ATP10A: variants seen among roughly 807,000 people sequenced by gnomAD.
ATP10A encodes ATPase phospholipid transporting 10A (putative), also known as phospholipid-transporting ATPase VA.
A neutral mutation model predicts 147.8 loss-of-function variants in ATP10A; 111 were observed. The ratio of observed to expected loss-of-function variants is 0.75; its 90% CI spans 0.64 to 0.88. The LOEUF is 0.88. ATP10A is among the 40% of genes least tolerant of loss of function. The probability of loss-of-function intolerance (pLI) is 0.00; values close to 1 mark genes in which losing one functional copy is unlikely to be tolerated. For synonymous variants in ATP10A, 875 were observed against 841.6 expected, an observed-to-expected ratio of 1.04 and a Z score of -0.69; for missense variants, 1,927 against 1,959.0, an observed-to-expected ratio of 0.98 and a Z score of 0.31.
intron 13 of ATP10A, among the ~76,000 whole-genome samples, chr15:25,700,549 T>C (rs1415452710): frequency 6.6e-6 from 1 of 152,138 alleles, no homozygotes; most frequent in African/African-American, 2.4e-5. Context: ...CTCAAAAGTG[T>C]TATGCTGAGT....
chr15:25,701,942 C>A lies in ATP10A; in HGVS notation c.2734G>T (p.Val912Phe). Residue 912 changes from valine (V) to phenylalanine (F), a missense_variant, in exon 13 of 21, where the codon GTC becomes TTC. Transcript: ENST00000555815. ...ACKLLDHDEE[V>F]ITLNATSQEA... The stretch of plus-strand genomic sequence containing the variant: ...TGGGAGGTGGCATTCAGGGTGATGA[C>A]CTCCTCGTCGTGGTCCAGCAGTTTG... 2 of 1,610,644 alleles carry A rather than the reference C, an allele frequency of 1.2e-6. No homozygotes were observed. Among genetic ancestry groups the A allele is most frequent in the East Asian group, 2.2e-5 (1 of 44,706 alleles).
chr15:25,735,938 C>T, intron 3 of ATP10A, 118 bp downstream of exon 3: 1 of 943,546 alleles, frequency 1.1e-6, no homozygotes. Flanking sequence ...CATTCCCAAA[C>T]AGCTACACCA....
chr15:25,769,486 CAAAAAAAAA>C (rs58272964), intron 2 of ATP10A, among the ~76,000 whole-genome samples: 15 of 54,812 alleles, frequency 2.7e-4, no homozygotes, highest in African/African-American at 9.4e-4. Context: ...GACTCTGTCT[CAAAAAAAAA>C]AAAAAAAAAA....
chr15:25,789,358 C>A (rs1045168898), intron 1 of ATP10A, among the ~76,000 whole-genome samples: 1 of 152,112 alleles, frequency 6.6e-6, no homozygotes, highest in African/African-American at 2.4e-5. Flanking sequence ...CTGGGGGACT[C>A]CTTTGGCCAA....
intron 1 of ATP10A, among the ~76,000 whole-genome samples, chr15:25,832,461 G>C (rs1327219284): frequency 2.6e-5 from 4 of 152,162 alleles, no homozygotes; most frequent in Admixed American, 2.6e-4. Flanking sequence ...GTCATGTTCT[G>C]GACCATTGTC....
At chr15:25,769,093 C>T (rs1889192500) in intron 2 of ATP10A, among the ~76,000 whole-genome samples, 1 of 152,174 alleles carries the variant, frequency 6.6e-6, no homozygotes. Flanking sequence ...TGCACACGCG[C>T]TCCAATACTG....
intron 14 of ATP10A, among the ~76,000 whole-genome samples, chr15:25,693,843 G>A (rs1175071618): frequency 2.0e-5 from 3 of 152,192 alleles, no homozygotes; most frequent in Admixed American, 1.3e-4. Flanking sequence ...GCTCAACAGC[G>A]GTCTCCTCTG....
rs8043068 is a variant in ATP10A at position 25,718,547 on chromosome 15, G to A, written c.1364-148C>T. ...CCCTTGCTCTCTAATAGCAAGGCAC[G>A]GAGAACATCCTCAGTCAGCTGCAAC... On this transcript the variant is annotated intron_variant, in intron 7 of 20. Coordinates refer to ENST00000555815, the MANE Select transcript of ATP10A (RefSeq NM_024490.4). The A allele has an allele frequency of 2.4e-4, 189 of 773,110 alleles. 1 individual carries two copies. The African/African-American group carries it at 2.9e-3, about 12-fold the overall frequency. 47.9% of individuals were successfully genotyped at this position (773,110 alleles called of 1,614,324 possible). A position where few individuals can be genotyped will look rare whatever the true frequency, so the allele number is the denominator to read the frequency against.
chr15:25,750,533 CTGTT>C (rs796751557), intron 2 of ATP10A, among the ~76,000 whole-genome samples: 23 of 152,190 alleles, frequency 1.5e-4, no homozygotes, highest in African/African-American at 4.6e-4. Context: ...GAAAAGGCAA[CTGTT>C]TGTTTGTTTG....
chr15:25,823,492 G>GC, intron 1 of ATP10A, among the ~76,000 whole-genome samples: 1 of 152,174 alleles, frequency 6.6e-6, no homozygotes, highest in Non-Finnish European at 1.5e-5. Flanking sequence ...TGGGGTCAGT[G>GC]CCCTTACACA....
chr15:25,721,550 G>A (rs1486645989), intron 7 of ATP10A, 107 bp downstream of exon 7: 1 of 808,660 alleles, frequency 1.2e-6, no homozygotes, highest in Non-Finnish European at 1.8e-6. Context: ...AAGCGTGTGT[G>A]TGTGTGTGTG....
chr15:25,679,841 A>C lies in ATP10A; in HGVS notation c.4000T>G (p.Ser1334Ala). 1.2e-6 allele frequency: 2 copies of C among 1,611,280 alleles called. No homozygotes were observed. The highest frequency in any genetic ancestry group is 1.7e-6 in the Non-Finnish European group (2 of 1,179,936). ...CTCCCTGATGAGTGCTCGGTTCCCG[A>C]GTCCTTCGGGAGGCGTCCCTGAGCA... ...TFAQGRLPKD[S>A]GTEHSSGRTV... Residue 1334 changes from serine (S) to alanine (A), a missense_variant, in exon 21 of 21, where the codon TCG becomes GCG. Physicochemically the swap from Ser to Ala is moderately conservative, Grantham distance 99. Coordinates refer to ENST00000555815, the MANE Select transcript of ATP10A (RefSeq NM_024490.4).
intron 1 of ATP10A, among the ~76,000 whole-genome samples, chr15:25,855,610 A>G (rs1246463234): frequency 1.3e-5 from 2 of 151,852 alleles, no homozygotes; most frequent in East Asian, 1.9e-4. Context: ...TTAATGGCAA[A>G]AAAGCATGCG....
chr15:25,819,005 T>C (rs996117293), intron 1 of ATP10A, among the ~76,000 whole-genome samples: 5 of 152,160 alleles, frequency 3.3e-5, no homozygotes, highest in East Asian at 3.9e-4. Context: ...GGAAGACTGC[T>C]GGACGTTGGT....
intron 10 of ATP10A, 103 bp from the exon 11 acceptor site, chr15:25,708,403 A>G (rs1184465131): frequency 1.0e-6 from 1 of 961,998 alleles, no homozygotes; most frequent in Non-Finnish European, 1.6e-6. Context: ...ACTTGCGAAT[A>G]GAGCACAAAT....
intron 13 of ATP10A, among the ~76,000 whole-genome samples, chr15:25,699,334 G>T (rs139365897): frequency 0.011 from 1,624 of 152,222 alleles, 15 homozygotes; most frequent in African/African-American, 0.025. Flanking sequence ...TGACAAAGAC[G>T]CTTTCAACCA....
At chr15:25,807,034 G>A (rs1317228579) in intron 1 of ATP10A, among the ~76,000 whole-genome samples, 1 of 152,236 alleles carries the variant, frequency 6.6e-6, no homozygotes, top group Non-Finnish European at 1.5e-5. Flanking sequence ...CCACCGGGCT[G>A]GAAAGAGCAG....
intron 3 of ATP10A, among the ~76,000 whole-genome samples, chr15:25,732,510 T>C (rs1886997394): frequency 1.3e-5 from 2 of 150,486 alleles, no homozygotes; most frequent in African/African-American, 4.9e-5. Context: ...CAATCCACTT[T>C]CTGTGTCTAA....
At chr15:25,736,421 C>G (rs533689506) in intron 2 of ATP10A, among the ~76,000 whole-genome samples, 2 of 152,188 alleles carry the variant, frequency 1.3e-5, no homozygotes, top group South Asian at 2.1e-4. Context: ...AGAGAACAGG[C>G]GATAAAGCAA....
Sources: gnomAD v4.1 joint callset for allele counts (sites outside exome capture counted in the v4.1 genomes callset) on GRCh38, gnomAD v4.1.1 for gene constraint, MANE v1.5 for transcripts, NCBI Gene and HGNC (gene_info 2026-07-23, HGNC 2026-07-21) for gene names.